The following COL4A3 variants were observed in gnomAD, a reference collection of about 807,000 sequenced individuals.
The protein encoded by COL4A3 is collagen type IV alpha 3 chain.
In COL4A3, 135 loss-of-function variants were observed where a neutral mutation model predicts 217.4. The observed-to-expected ratio is 0.62, with a 90% CI of 0.54 to 0.72. The LOEUF (loss-of-function observed/expected upper bound fraction) is 0.72. Among genes scored for constraint, COL4A3 ranks in the 30% least tolerant of loss-of-function variants. COL4A3 has a pLI of 0.00. For missense variants in COL4A3, 1,868 were observed against 2,119.9 expected, an observed-to-expected ratio of 0.88 and a Z score of 2.33; for synonymous variants, 690 against 736.3, an observed-to-expected ratio of 0.94 and a Z score of 1.02.
At position 227,297,749 on chromosome 2, in the gene COL4A3, C is replaced by T. The variant is rs1480138301; in HGVS notation, c.3641C>T (p.Pro1214Leu). 7 of 1,602,478 alleles carry T rather than the reference C, an allele frequency of 4.4e-6. No individual in the cohort carries two copies. Among genetic ancestry groups the T allele is most frequent in the Non-Finnish European group, 6.0e-6 (7 of 1,175,022 alleles). The change falls in exon 42 of 52, where the codon CCT becomes CTT. Residue 1214 changes from proline (P) to leucine (L), a missense_variant. Pro to Leu is a moderately conservative substitution (Grantham distance 98, BLOSUM62 -3). Around this residue, in one of 2 missense-constraint regions of COL4A3, gnomAD observed 1,503 missense variants for 1,786.1 expected, o/e 0.84. Coordinates refer to ENST00000396578, the MANE Select transcript of COL4A3 (RefSeq NM_000091.5). ...AAAGGGGCCATGGGAGATGCTGGAC[C>T]TCGAGGACCCACAGGCATAGAAGGA... Reference protein sequence around the residue: ...GRKGAMGDAGPRGPTGIEGFP... With the variant: ...GRKGAMGDAGLRGPTGIEGFP...
chr2:227,266,394 T>C (rs1378034744), intron 21 of COL4A3, 23 bp from the exon 22 acceptor site: 1 of 1,570,974 alleles, frequency 6.4e-7, no homozygotes, highest in Non-Finnish European at 8.8e-7. Context: ...TAAAAAATTG[T>C]CTTTGGTGCT....
intron 1 of COL4A3, among the ~76,000 whole-genome samples, chr2:227,173,934 C>T (rs1322384091): frequency 6.6e-6 from 1 of 152,092 alleles, no homozygotes; most frequent in Non-Finnish European, 1.5e-5. Flanking sequence ...CAGCATATGT[C>T]TATGTAAGTG....
chr2:227,192,976 T>A (rs1348128851), intron 1 of COL4A3, among the ~76,000 whole-genome samples: 1 of 152,218 alleles, frequency 6.6e-6, no homozygotes, highest in Non-Finnish European at 1.5e-5. Flanking sequence ...AAAATCACTC[T>A]ATCAAATCAC....
intron 1 of COL4A3, among the ~76,000 whole-genome samples, chr2:227,215,684 C>G (rs543421077): frequency 6.6e-6 from 1 of 152,114 alleles, no homozygotes; most frequent in Admixed American, 6.5e-5. Flanking sequence ...GTCTCAAACT[C>G]CTGACCTCAG....
chr2:227,253,187 G>C lies in COL4A3; in HGVS notation c.646-109G>C, dbSNP rs1189641662. ...GCTAAAATATGTATCATTCTAAAAT[G>C]AAAGTTAAAATATAAATGCTCCCTT... On this transcript the variant is annotated intron_variant, in intron 11 of 51. Coordinates refer to ENST00000396578, the MANE Select transcript of COL4A3 (RefSeq NM_000091.5). This position sits in a 1 kb window ranked among gnomAD's most constrained non-coding sequence, Gnocchi z 4.4. 3.3e-6 allele frequency: 3 copies of C among 898,500 alleles called. No individual in the cohort carries two copies. The highest frequency in any genetic ancestry group is 5.4e-6 in the Non-Finnish European group (3 of 560,516). 55.7% of individuals were successfully genotyped at this position (898,500 alleles called of 1,614,324 possible).
intron 1 of COL4A3, among the ~76,000 whole-genome samples, chr2:227,226,085 G>C (rs1245784717): frequency 6.6e-6 from 1 of 152,194 alleles, no homozygotes; most frequent in African/African-American, 2.4e-5. Flanking sequence ...TATGAGGACA[G>C]TAGATGAGAG....
rs987229099 is a variant in COL4A3 at position 227,283,749 on chromosome 2, G to T, written c.2657-18G>T. ...CTCTGTACAACACGTGCTGCTTTGT[G>T]TTAATTTGTTTCCATAGGTGAAGAT... On this transcript the variant is annotated intron_variant, in intron 32 of 51. Coordinates refer to ENST00000396578, the MANE Select transcript of COL4A3 (RefSeq NM_000091.5). The T allele has an allele frequency of 6.2e-7, 1 of 1,608,198 alleles. No homozygotes were observed. The highest frequency in any genetic ancestry group is 8.5e-7 in the Non-Finnish European group (1 of 1,174,594).
At chr2:227,201,979 A>G (rs2066703624) in intron 1 of COL4A3, among the ~76,000 whole-genome samples, 1 of 152,226 alleles carries the variant, frequency 6.6e-6, no homozygotes, top group African/African-American at 2.4e-5. Context: ...ACCTTTAACC[A>G]TTAACCTGAA....
At chr2:227,259,929 T>C in intron 19 of COL4A3, 52 bp downstream of exon 19, 1 of 1,325,094 alleles carries the variant, frequency 7.5e-7, no homozygotes, top group Admixed American at 1.7e-5. Flanking sequence ...TCTGGCTTTC[T>C]TTCAAGGTAA....
Position 227,280,439 on chromosome 2 carries a change from G to T in COL4A3, c.2224-1G>T. The T allele has an allele frequency of 6.2e-7, 1 of 1,614,004 alleles. No homozygotes were observed. Among genetic ancestry groups the T allele is most frequent in the South Asian group, 1.1e-5 (1 of 91,060 alleles). The stretch of plus-strand genomic sequence containing the variant: ...GTAATAACACAATTTCTATGCTGTA[G>T]GGAGAACCAGCAGTAGCCATGCCTG... On this transcript the variant is annotated splice_acceptor_variant, in intron 29 of 51. Coordinates refer to ENST00000396578, the MANE Select transcript of COL4A3 (RefSeq NM_000091.5). LOFTEE classifies it high-confidence loss of function.
chr2:227,265,867 A>G (rs1470269886), intron 21 of COL4A3: 1 of 157,962 alleles, frequency 6.3e-6, no homozygotes, highest in East Asian at 1.8e-4. Flanking sequence ...AGTCCTCAGT[A>G]AACTTACACT....
At chr2:227,175,529 G>C (rs574178442) in intron 1 of COL4A3, among the ~76,000 whole-genome samples, 3 of 152,126 alleles carry the variant, frequency 2.0e-5, no homozygotes, top group Non-Finnish European at 4.4e-5. Context: ...GAAATAACAT[G>C]AAATTTTAAA....
At position 227,269,860 on chromosome 2, in the gene COL4A3, T is replaced by C. The variant is rs775419230; in HGVS notation, c.1505-50T>C. 5 of 1,479,480 alleles carry C rather than the reference T, an allele frequency of 3.4e-6. No individual in the cohort carries two copies. In the African/African-American group the frequency reaches 5.5e-5, roughly 16 times the overall value. 91.6% of individuals were successfully genotyped at this position (1,479,480 alleles called of 1,614,324 possible). ...TCATACATTGTATTACCCTGTCTAC[T>C]TAGAGTTGGCGTTCAATGAGGAGTT... On this transcript the variant is annotated intron_variant, in intron 23 of 51. Transcript: ENST00000396578.
chr2:227,217,952 A>G (rs1048968223), intron 1 of COL4A3, among the ~76,000 whole-genome samples: 2 of 150,842 alleles, frequency 1.3e-5, no homozygotes, highest in Admixed American at 1.3e-4. Context: ...GGCAGAAGAC[A>G]CTCTCAGCAT....
intron 1 of COL4A3, among the ~76,000 whole-genome samples, chr2:227,236,691 A>G (rs35515767): frequency 0.29 from 43,185 of 149,138 alleles, 6,371 homozygotes; most frequent in East Asian, 0.43. Flanking sequence ...ACAGAGTCTC[A>G]CTCTGTCACC....
At chr2:227,272,270 A>G (rs185642808) in intron 25 of COL4A3, among the ~76,000 whole-genome samples, 1 of 152,348 alleles carries the variant, frequency 6.6e-6, no homozygotes, top group African/African-American at 2.4e-5. Context: ...TGCTCCATAA[A>G]GTAAATGAGA....
intron 1 of COL4A3, among the ~76,000 whole-genome samples, chr2:227,211,575 A>G (rs1461625668): frequency 2.6e-5 from 4 of 152,214 alleles, no homozygotes; most frequent in African/African-American, 9.7e-5. Flanking sequence ...AAATCGATTT[A>G]CAATCTTACC....
chr2:227,268,939 T>C (rs1235403885), intron 23 of COL4A3, among the ~76,000 whole-genome samples: 1 of 152,208 alleles, frequency 6.6e-6, no homozygotes, highest in East Asian at 1.9e-4. Flanking sequence ...ATTGTTGCAT[T>C]TTCCATAGTT....
In COL4A3 at chr2:227,282,535, A is replaced by G; in HGVS notation, c.2656+3A>G. ...TCCGGGAATTTTAGGGCCACCAGGT[A>G]TCCTTTTGTGTGTTTCTATTTTTCT... is the stretch of plus-strand genomic sequence containing the variant. On this transcript the variant is annotated splice_donor_region_variant and intron_variant, in intron 32 of 51. Transcript: ENST00000396578. The surrounding 1 kb of genome is among the most constrained non-coding windows in gnomAD (Gnocchi z 4.4). The G allele has an allele frequency of 1.2e-6, 2 of 1,612,738 alleles. No homozygotes were observed. Among genetic ancestry groups the G allele is most frequent in the South Asian group, 2.2e-5 (2 of 91,058 alleles).
Sources: allele counts gnomAD v4.1 joint callset (sites outside exome capture counted in the v4.1 genomes callset), GRCh38; gene constraint gnomAD v4.1.1; regional missense constraint gnomAD v4.1.1; non-coding constraint Gnocchi (gnomAD v3.1); transcripts MANE v1.5; gene names NCBI Gene and HGNC (gene_info 2026-07-23, HGNC 2026-07-21).